The following ADGRL4 variants were observed in gnomAD, a reference collection of about 807,000 sequenced individuals.
The protein encoded by ADGRL4 is EGF, latrophilin and seven transmembrane domain containing 1.
In ADGRL4, 90 loss-of-function variants were observed where a neutral mutation model predicts 74.8. That is an observed-to-expected ratio of 1.20 (90% confidence interval 1.02 to 1.43). ADGRL4 has a LOEUF of 1.43. Among genes scored for constraint, ADGRL4 ranks in the 40% most tolerant of loss-of-function variants. ADGRL4 has a pLI of 0.00. For synonymous variants in ADGRL4, 311 were observed against 279.2 expected (o/e 1.11, Z -1.14); for missense variants, 881 against 814.3 (o/e 1.08, Z -1.00).
rs546767903 is a variant in ADGRL4, at chr1:78,937,386, A to C, written c.760+421T>G. On this transcript the variant is annotated intron_variant, in intron 6 of 14. Transcript: ENST00000370742. ...CTTGAAACCAGAAGGTGGAGGTTGCAGTGAGCTGAGATTGCGCCACTGCAC... is the reference window on the plus strand; with the variant it reads ...CTTGAAACCAGAAGGTGGAGGTTGCCGTGAGCTGAGATTGCGCCACTGCAC... 1.6e-4 allele frequency among the ~76,000 whole-genome samples: 25 copies of C among 152,322 alleles called. 1 individual carries two copies. In the South Asian group the frequency reaches 5.0e-3, roughly 30 times the overall value.
intron 2 of ADGRL4, among the ~76,000 whole-genome samples, chr1:78,963,244 C>G (rs114812813): frequency 0.014 from 2,185 of 152,254 alleles, 53 homozygotes; most frequent in African/African-American, 0.05. Context: ...TTCTTTCATA[C>G]ATACAAATTT....
At chr1:78,994,635 A>T (rs1351477194) in intron 2 of ADGRL4, among the ~76,000 whole-genome samples, 1 of 152,246 alleles carries the variant, frequency 6.6e-6, no homozygotes, top group Non-Finnish European at 1.5e-5. Context: ...AGAGAGCATG[A>T]TTAAAAACAA....
At chr1:78,970,576 CT>C (rs1301100775) in intron 2 of ADGRL4, among the ~76,000 whole-genome samples, 22 of 152,160 alleles carry the variant, frequency 1.4e-4, no homozygotes, top group Non-Finnish European at 2.9e-4. Flanking sequence ...AAAAAGGATG[CT>C]CTTCCCTCTC....
chr1:78,983,696 A>G (rs1650440563), intron 2 of ADGRL4, among the ~76,000 whole-genome samples: 1 of 151,828 alleles, frequency 6.6e-6, no homozygotes, highest in Non-Finnish European at 1.5e-5. Flanking sequence ...ACAGAATTGA[A>G]GATAAGAATG....
chr1:78,905,613 C>T (rs1474696641), intron 12 of ADGRL4, among the ~76,000 whole-genome samples: 1 of 151,950 alleles, frequency 6.6e-6, no homozygotes, highest in African/African-American at 2.4e-5. Flanking sequence ...TTTACAAAAA[C>T]AAGCCATGCT....
Position 78,936,053 on chromosome 1 carries a change from G to A in ADGRL4, c.877+242C>T, listed in dbSNP as rs1177778973. ...GCAGGAGAATGGCGTGAACCCGGGAGGCGGAGCTTGCAGTGAGCCGAGATT... is the reference window on the plus strand; with the variant it reads ...GCAGGAGAATGGCGTGAACCCGGGAAGCGGAGCTTGCAGTGAGCCGAGATT... On this transcript the variant is annotated intron_variant, in intron 7 of 14. Transcript: ENST00000370742. Among the ~76,000 whole-genome samples the A allele has an allele frequency of 6.9e-5, 2 of 28,872 alleles. 1 individual carries two copies. Among genetic ancestry groups the A allele is most frequent in the African/African-American group, 1.8e-4 (2 of 10,824 alleles). 18.9% of individuals were successfully genotyped at this position (28,872 alleles called of 152,430 possible).
At chr1:78,912,944 AAAAC>A (rs1170685481) in intron 12 of ADGRL4, among the ~76,000 whole-genome samples, 2 of 152,094 alleles carry the variant, frequency 1.3e-5, no homozygotes, top group East Asian at 1.9e-4. Flanking sequence ...AGAAGAAGAA[AAAAC>A]AAACAACCCC....
chr1:79,001,136 G>C (rs539164287), intron 2 of ADGRL4, among the ~76,000 whole-genome samples: 51 of 139,290 alleles, frequency 3.7e-4, no homozygotes, highest in South Asian at 1.2e-3. Context: ...AGCAAGGAAG[G>C]GAAGGAGGAA....
At chr1:78,895,268 C>T (rs576437131) in intron 12 of ADGRL4, among the ~76,000 whole-genome samples, 13 of 151,972 alleles carry the variant, frequency 8.6e-5, no homozygotes, top group South Asian at 4.1e-4. Flanking sequence ...TACAAATATG[C>T]GGAACTTTTT....
At chr1:78,967,047 A>G (rs1051543419) in intron 2 of ADGRL4, among the ~76,000 whole-genome samples, 2 of 152,102 alleles carry the variant, frequency 1.3e-5, no homozygotes, top group Non-Finnish European at 2.9e-5. Flanking sequence ...GGTCTAATTA[A>G]TTGGCCTAAA....
rs534930767 is a variant in ADGRL4, at chr1:78,934,490, T to C, written c.877+1805A>G. On this transcript the variant is annotated intron_variant, in intron 7 of 14. Coordinates refer to ENST00000370742, the MANE Select transcript of ADGRL4 (RefSeq NM_022159.4). ...GGTAATACCATTTAGGACATAGGCA[T>C]GGACAAAAACTTCATGACAAAAACA... Among the ~76,000 whole-genome samples, 12 of 152,260 alleles carry C rather than the reference T, an allele frequency of 7.9e-5. No individual in the cohort carries two copies. The South Asian group carries it at 1.5e-3, about 18-fold the overall frequency.
In ADGRL4 at chr1:78,931,155, G is replaced by A. The variant is rs566454718; in HGVS notation, c.878-4064C>T. 1.1e-3 allele frequency among the ~76,000 whole-genome samples: 160 copies of A among 151,212 alleles called. 8 individuals are homozygous for A. The highest frequency in any genetic ancestry group is 3.9e-3 in the African/African-American group (158 of 40,674). Reference sequence around the variant, plus strand: ...CAGATTCTCCAAGGCCAAAATTAAGGAAAAAATGTTATGGGCAGCCAGACA... The same window carrying A: ...CAGATTCTCCAAGGCCAAAATTAAGAAAAAAATGTTATGGGCAGCCAGACA... On this transcript the variant is annotated intron_variant, in intron 7 of 14. Coordinates refer to ENST00000370742, the MANE Select transcript of ADGRL4 (RefSeq NM_022159.4).
At chr1:78,955,916 T>A (rs1649819989) in intron 2 of ADGRL4, among the ~76,000 whole-genome samples, 1 of 152,192 alleles carries the variant, frequency 6.6e-6, no homozygotes, top group Non-Finnish European at 1.5e-5. Flanking sequence ...CTATACTTAC[T>A]AAAAGTGTAT....
intron 12 of ADGRL4, among the ~76,000 whole-genome samples, chr1:78,917,249 G>C (rs977912): frequency 0.63 from 95,412 of 151,686 alleles, 29,994 homozygotes; most frequent in East Asian, 0.7. Flanking sequence ...GGCACACTCT[G>C]TGTGTTGAAG....
chr1:78,936,534 G>A, intron 6 of ADGRL4, 123 bp from the exon 7 acceptor site: 1 of 881,846 alleles, frequency 1.1e-6, no homozygotes, highest in South Asian at 1.9e-5. Context: ...ATAACAAGTA[G>A]AGTGAACATT....
chr1:78,952,917 A>C (rs1188475687), intron 2 of ADGRL4, among the ~76,000 whole-genome samples: 3 of 152,144 alleles, frequency 2.0e-5, no homozygotes, highest in South Asian at 2.1e-4. Context: ...AGGAAAAAAA[A>C]CAAACAATAC....
intron 12 of ADGRL4, among the ~76,000 whole-genome samples, chr1:78,895,242 C>T (rs1648369087): frequency 6.6e-6 from 1 of 151,978 alleles, no homozygotes; most frequent in African/African-American, 2.4e-5. Context: ...ATATTATCCA[C>T]ATTCATTGAT....
In ADGRL4 at chr1:79,006,592, C is replaced by T. The variant is rs564167555; in HGVS notation, c.22+41G>A. On this transcript the variant is annotated intron_variant, in intron 1 of 14. Coordinates refer to ENST00000370742, the MANE Select transcript of ADGRL4 (RefSeq NM_022159.4). ...ATCCAGTCCCCTACAAGGGATTGGT[C>T]CCTCCGACGACCTCGGCGACCAGGG... is the stretch of plus-strand genomic sequence containing the variant. 4.6e-6 allele frequency: 7 copies of T among 1,533,048 alleles called. No homozygotes were observed. The South Asian group carries it at 7.2e-5, about 16-fold the overall frequency. The allele number at this position is 1,533,048 out of a possible 1,614,324, so 95.0% of individuals were successfully genotyped here.
At chr1:78,998,177 T>G (rs2100740302) in intron 2 of ADGRL4, among the ~76,000 whole-genome samples, 1 of 151,990 alleles carries the variant, frequency 6.6e-6, no homozygotes, top group Middle Eastern at 3.4e-3. Context: ...ACTGCCCCCT[T>G]TTGTGGCATT....
Sources: allele counts gnomAD v4.1 joint callset (sites outside exome capture counted in the v4.1 genomes callset), GRCh38; gene constraint gnomAD v4.1.1; transcripts MANE v1.5; gene names NCBI Gene and HGNC (gene_info 2026-07-23, HGNC 2026-07-21).